SETD3: variants seen among roughly 807,000 people sequenced by gnomAD.
SETD3 encodes actin-histidine N-methyltransferase.
SETD3 carries 19 observed loss-of-function variants against 63.0 expected under a neutral mutation model. The ratio of observed to expected loss-of-function variants is 0.30; its 90% CI spans 0.21 to 0.44. SETD3 has a LOEUF of 0.44. Ranked by LOEUF, SETD3 falls within the 20% of genes least tolerant of loss-of-function variation. The pLI is 1.00. For missense variants in SETD3, 587 were observed against 728.5 expected, an observed-to-expected ratio of 0.81 and a Z score of 2.24; for synonymous variants, 286 against 264.1, an observed-to-expected ratio of 1.08 and a Z score of -0.80.
intron 6 of SETD3, among the ~76,000 whole-genome samples, chr14:99,441,842 C>T (rs565326134): frequency 1.3e-5 from 2 of 152,272 alleles, no homozygotes; most frequent in South Asian, 2.1e-4. Flanking sequence ...TATTTATATT[C>T]CAAAAAGAGC....
chr14:99,467,946 T>C (rs1272241714), intron 1 of SETD3, among the ~76,000 whole-genome samples: 1 of 152,086 alleles, frequency 6.6e-6, no homozygotes, highest in African/African-American at 2.4e-5. Context: ...GAGCTCAGTA[T>C]TTACCCTCTG....
intron 6 of SETD3, among the ~76,000 whole-genome samples, chr14:99,453,115 CCT>C (rs1442913878): frequency 6.6e-6 from 1 of 152,052 alleles, no homozygotes; most frequent in Non-Finnish European, 1.5e-5. Flanking sequence ...ATGTAATAAT[CCT>C]CTCTCTCTCC....
intron 6 of SETD3, among the ~76,000 whole-genome samples, chr14:99,426,492 G>T (rs116089683): frequency 0.016 from 2,418 of 152,306 alleles, 60 homozygotes; most frequent in African/African-American, 0.055. Flanking sequence ...ACGGAAAGCA[G>T]CAGAGCAGCT....
chr14:99,444,849 A>C (rs932094052), intron 6 of SETD3, among the ~76,000 whole-genome samples: 9 of 151,586 alleles, frequency 5.9e-5, no homozygotes, highest in African/African-American at 2.2e-4. Flanking sequence ...AAAAAAAAAC[A>C]ACTTGATATA....
intron 6 of SETD3, among the ~76,000 whole-genome samples, chr14:99,455,778 T>A (rs1044454211): frequency 1.3e-5 from 2 of 152,228 alleles, no homozygotes; most frequent in East Asian, 3.9e-4. Context: ...ATGCCTTTTG[T>A]AGGGGCTGCC....
chr14:99,465,993 GA>G (rs370221807), intron 1 of SETD3, among the ~76,000 whole-genome samples, 180 bp from the exon 2 acceptor site: 81 of 148,914 alleles, frequency 5.4e-4, no homozygotes, highest in African/African-American at 1.3e-3. Context: ...TCTCAAATGG[GA>G]AAAAAAAAAA....
upstream of SETD3, chr14:99,481,102 C>T (rs1164146155): frequency 1.6e-5 from 4 of 253,664 alleles, no homozygotes; most frequent in Non-Finnish European, 3.0e-5. Flanking sequence ...TCGCCCCCGC[C>T]AGAGCTTTGA....
At chr14:99,482,077 G>C (rs536837052), upstream of SETD3, among the ~76,000 whole-genome samples, 3 of 152,308 alleles carry the variant, frequency 2.0e-5, no homozygotes, top group Non-Finnish European at 4.4e-5. Context: ...TAGAAAATTG[G>C]AGCGTAAGTC....
intron 8 of SETD3, among the ~76,000 whole-genome samples, chr14:99,407,429 C>T (rs1402471027): frequency 6.6e-6 from 1 of 152,196 alleles, no homozygotes; most frequent in Non-Finnish European, 1.5e-5. Context: ...TATTCCTTCT[C>T]ACCTAGCTTG....
At chr14:99,470,060 C>T (rs1026162780) in intron 1 of SETD3, among the ~76,000 whole-genome samples, 3 of 152,228 alleles carry the variant, frequency 2.0e-5, no homozygotes, top group African/African-American at 7.2e-5. Flanking sequence ...AACTGCCTCA[C>T]TCTATTTTAC....
In SETD3 at chr14:99,398,772, C is replaced by G. The variant is rs139698167; in HGVS notation, c.1692G>C (p.Arg564Ser). Residue 564 changes from arginine to serine, a missense_variant, in exon 13 of 13, where the codon AGG (arginine) becomes AGC (serine). Physicochemically the swap from Arg to Ser is moderately radical, Grantham distance 110. Transcript: ENST00000331768. ...NGENSIPNGT[R>S]SENESLNQES... ...CTTGATTGAGACTTTCATTTTCGGA[C>G]CTGGTCCCATTAGGGATAGAGTTTT... is the stretch of plus-strand genomic sequence containing the variant. The G allele has an allele frequency of 5.4e-4, 871 of 1,614,176 alleles. 3 individuals carry two copies. In the African/African-American group the frequency reaches 9.9e-3, roughly 18 times the overall value.
chr14:99,482,762 T>C (rs1896380808), upstream of SETD3, among the ~76,000 whole-genome samples: 1 of 152,246 alleles, frequency 6.6e-6, no homozygotes, highest in Non-Finnish European at 1.5e-5. Context: ...TTTTAAATGC[T>C]GTTTCTAAAA....
intron 6 of SETD3, among the ~76,000 whole-genome samples, chr14:99,446,567 G>A (rs1894140203): frequency 6.6e-6 from 1 of 152,078 alleles, no homozygotes; most frequent in Non-Finnish European, 1.5e-5. Flanking sequence ...GCCCCTATGG[G>A]TGCCTCTACT....
chr14:99,458,439 CAGA>C lies in SETD3; in HGVS notation c.512_514del (p.Phe171del). ...GGGGAGGGTTTGAATATAGGGCTGC[CAGA>C]AGGAGTTAGGGCTGGCTCGCTCACA... On this transcript the variant is annotated inframe_deletion, in exon 6 of 13. Transcript: ENST00000331768. 1 of 1,614,028 alleles carries C rather than the reference CAGA, an allele frequency of 6.2e-7. No individual in the cohort carries two copies. The highest frequency in any genetic ancestry group is 8.5e-7 in the Non-Finnish European group (1 of 1,180,016).
At chr14:99,416,732 C>T (rs369060550) in intron 6 of SETD3, among the ~76,000 whole-genome samples, 42 of 152,208 alleles carry the variant, frequency 2.8e-4, no homozygotes, top group African/African-American at 7.7e-4. Context: ...TAAATACAGG[C>T]GGAGAAACTA....
chr14:99,444,233 G>C (rs906136938), intron 6 of SETD3: 1 of 152,198 alleles, frequency 6.6e-6, no homozygotes, highest in Non-Finnish European at 1.5e-5. Context: ...GGCTATTTCA[G>C]AACTATTAGA....
chr14:99,433,564 A>C lies in SETD3; in HGVS notation c.676-19630T>G, dbSNP rs184764733. On this transcript the variant is annotated intron_variant, in intron 6 of 12. Transcript: ENST00000331768. ...GCGATTCTCCTGCCTCAGCCTTCCA[A>C]GTAGCTGAGACTACAGGCATGTGCC... is the stretch of plus-strand genomic sequence containing the variant. Among the ~76,000 whole-genome samples, 1,039 of 152,138 alleles carry C rather than the reference A, an allele frequency of 6.8e-3. 5 individuals carry two copies. The highest frequency in any genetic ancestry group is 0.041 in the Middle Eastern group (12 of 294).
At chr14:99,437,225 C>T (rs1163722245) in intron 6 of SETD3, among the ~76,000 whole-genome samples, 1 of 152,122 alleles carries the variant, frequency 6.6e-6, no homozygotes, top group Non-Finnish European at 1.5e-5. Context: ...AAAGTGCTAC[C>T]TCAAGAGTTC....
chr14:99,438,668 A>G (rs1893623261), intron 6 of SETD3, among the ~76,000 whole-genome samples: 1 of 152,196 alleles, frequency 6.6e-6, no homozygotes, highest in Non-Finnish European at 1.5e-5. Flanking sequence ...AAGTAGTCTT[A>G]TGGCCTCCAA....
Sources: gnomAD v4.1 joint callset for allele counts (sites outside exome capture counted in the v4.1 genomes callset) on GRCh38, gnomAD v4.1.1 for gene constraint, MANE v1.5 for transcripts, NCBI Gene and HGNC (gene_info 2026-07-23, HGNC 2026-07-21) for gene names.